Variants in ME3 observed in about 807,000 individuals in gnomAD.
ME3 encodes the protein NADP-dependent malic enzyme, mitochondrial.
In ME3, 48 loss-of-function variants were observed where a neutral mutation model predicts 68.9. The observed-to-expected ratio is 0.70, with a 90% CI of 0.55 to 0.89. The LOEUF (loss-of-function observed/expected upper bound fraction) is 0.89, where lower values mean the gene tolerates loss of function less well. Ranked by LOEUF, ME3 falls within the 40% of genes least tolerant of loss-of-function variation. ME3 has a pLI of 0.00. For missense variants in ME3, 675 were observed against 797.4 expected (o/e 0.85, Z 1.85); for synonymous variants, 320 against 318.8 (o/e 1.00, Z -0.04).
At chr11:86,496,467 A>G (rs1014463029) in intron 6 of ME3, among the ~76,000 whole-genome samples, 2 of 152,180 alleles carry the variant, frequency 1.3e-5, no homozygotes, top group African/African-American at 4.8e-5. Context: ...AGGGAAGAGG[A>G]AGGCCATGTA....
chr11:86,599,301 A>G (rs924901681), intron 2 of ME3, among the ~76,000 whole-genome samples: 1 of 152,254 alleles, frequency 6.6e-6, no homozygotes, highest in Non-Finnish European at 1.5e-5. Flanking sequence ...CTACGTGAAG[A>G]AGGCAGAAGC....
chr11:86,508,927 A>G (rs1953294166), intron 4 of ME3, 60 bp from the exon 5 acceptor site: 1 of 1,369,824 alleles, frequency 7.3e-7, no homozygotes, highest in Non-Finnish European at 1.0e-6. Context: ...GGAACTGAGC[A>G]AAGTCCATAG....
intron 8 of ME3, among the ~76,000 whole-genome samples, chr11:86,453,265 G>T (rs1212825286): frequency 6.6e-6 from 1 of 152,236 alleles, no homozygotes. Flanking sequence ...CTCCGAAAGT[G>T]CTGGGATTAC....
chr11:86,525,921 G>C (rs1954706578), intron 4 of ME3, among the ~76,000 whole-genome samples: 1 of 151,548 alleles, frequency 6.6e-6, no homozygotes, highest in South Asian at 2.1e-4. Context: ...AACTGCTCCA[G>C]TCTACAGCTC....
At chr11:86,450,150 AATTGTC>A in intron 9 of ME3, 145 bp downstream of exon 9, 1 of 973,862 alleles carries the variant, frequency 1.0e-6, no homozygotes, top group Non-Finnish European at 1.6e-6. Flanking sequence ...TGAGACACCC[AATTGTC>A]AGAGCCTAGG....
At chr11:86,557,968 A>G (rs1337746290) in intron 3 of ME3, among the ~76,000 whole-genome samples, 1 of 152,092 alleles carries the variant, frequency 6.6e-6, no homozygotes, top group Non-Finnish European at 1.5e-5. Flanking sequence ...GAAGATGGCG[A>G]GTTTTCTTAG....
chr11:86,523,801 G>C (rs1954513931), intron 4 of ME3, among the ~76,000 whole-genome samples: 1 of 151,864 alleles, frequency 6.6e-6, no homozygotes, highest in Admixed American at 6.6e-5. Flanking sequence ...ATCAGGAGGG[G>C]GAAAAAAGGC....
chr11:86,530,705 A>G (rs1955150051), intron 4 of ME3, among the ~76,000 whole-genome samples: 1 of 152,218 alleles, frequency 6.6e-6, no homozygotes, highest in Non-Finnish European at 1.5e-5. Context: ...CTTATCTACA[A>G]CCATCTGATC....
At chr11:86,595,493 TTTAGAGTCTGTGCTCTTAAACAC>T (rs1959265796) in intron 2 of ME3, among the ~76,000 whole-genome samples, 1 of 116,890 alleles carries the variant, frequency 8.6e-6, no homozygotes, top group East Asian at 5.2e-4. Flanking sequence ...TTAGTCTGCC[TTTAGAGTCTGTGCTCTTAAACAC>T]TATCCTATAA....
At chr11:86,649,329 T>C (rs555378621) in intron 2 of ME3, among the ~76,000 whole-genome samples, 1 of 152,262 alleles carries the variant, frequency 6.6e-6, no homozygotes, top group South Asian at 2.1e-4. Flanking sequence ...TAATAAGAGC[T>C]ACTTATGACA....
intron 2 of ME3, among the ~76,000 whole-genome samples, chr11:86,666,490 CAACT>C (rs1946595195): frequency 6.6e-6 from 1 of 152,194 alleles, no homozygotes; most frequent in Admixed American, 6.5e-5. Context: ...TAACCTGTAG[CAACT>C]AATAAACATT....
intron 4 of ME3, among the ~76,000 whole-genome samples, chr11:86,524,050 C>T (rs1337205356): frequency 1.6e-4 from 24 of 152,142 alleles, no homozygotes. Flanking sequence ...TAATCAGAGG[C>T]TTTAGGCCCC....
At chr11:86,448,356 A>G (rs1949440230) in intron 10 of ME3, 101 bp from the exon 11 acceptor site, 16 of 868,300 alleles carry the variant, frequency 1.8e-5, no homozygotes, top group African/African-American at 8.3e-5. Flanking sequence ...GCTGAGCCCC[A>G]TGCTTTGGTT....
At chr11:86,646,004 C>T (rs571161580) in intron 2 of ME3, among the ~76,000 whole-genome samples, 3 of 152,256 alleles carry the variant, frequency 2.0e-5, no homozygotes, top group South Asian at 2.1e-4. Flanking sequence ...GCAATAGCAT[C>T]GACATCAACA....
At chr11:86,600,425 A>T (rs1960412542) in intron 2 of ME3, among the ~76,000 whole-genome samples, 2 of 152,314 alleles carry the variant, frequency 1.3e-5, no homozygotes, top group Admixed American at 6.5e-5. Context: ...ATATGCACCC[A>T]ATACAGGAGC....
chr11:86,444,766 A>G (rs781052826), intron 13 of ME3, among the ~76,000 whole-genome samples: 33 of 152,222 alleles, frequency 2.2e-4, no homozygotes, highest in Non-Finnish European at 4.4e-4. Context: ...ATCTCCTTAA[A>G]GTCTATATTA....
intron 2 of ME3, among the ~76,000 whole-genome samples, chr11:86,560,748 G>GTATGTGTGTATATATATATATATATA (rs1957184106): frequency 3.2e-5 from 2 of 62,530 alleles, no homozygotes; most frequent in African/African-American, 1.2e-4. Flanking sequence ...GTGTGTGTGT[G>GTATGTGTGTATATATATATATATATA]TATATATATA....
chr11:86,556,788 C>T (rs1956954329), intron 3 of ME3, 86 bp from the exon 4 acceptor site: 2 of 1,439,110 alleles, frequency 1.4e-6, no homozygotes, highest in Admixed American at 1.8e-5. Context: ...ACCCAAGGCT[C>T]CTGTTCCTGC....
At chr11:86,585,726 C>T (rs1008362283) in intron 2 of ME3, among the ~76,000 whole-genome samples, 10 of 152,010 alleles carry the variant, frequency 6.6e-5, no homozygotes, top group Admixed American at 4.6e-4. Context: ...GCAATTGAAA[C>T]GATAATGGGG....
Sources: allele counts gnomAD v4.1 joint callset (sites outside exome capture counted in the v4.1 genomes callset), GRCh38; gene constraint gnomAD v4.1.1; transcripts MANE v1.5; gene names NCBI Gene and HGNC (gene_info 2026-07-23, HGNC 2026-07-21).